The following CAPN13 variants were observed in gnomAD, a reference collection of about 807,000 sequenced individuals.
CAPN13 encodes calpain 13.
Under a neutral mutation model 98.4 loss-of-function variants are expected in CAPN13, and 90 were observed. The ratio of observed to expected loss-of-function variants is 0.92; its 90% confidence interval spans 0.77 to 1.09. The LOEUF is 1.09. Ranked by LOEUF, CAPN13 falls within the 50% of genes least tolerant of loss-of-function variation. The pLI is 0.00. For synonymous variants in CAPN13, 330 were observed against 305.5 expected (o/e 1.08, Z -0.84); for missense variants, 887 against 841.3 (o/e 1.05, Z -0.67).
chr2:30,753,886 CTA>C (rs1435812936), intron 9 of CAPN13, among the ~76,000 whole-genome samples: 3 of 152,090 alleles, frequency 2.0e-5, no homozygotes, highest in African/African-American at 7.2e-5. Flanking sequence ...TCACCCAGAG[CTA>C]TAGAGTCTGC....
chr2:30,799,288 T>A (rs1675046657), intron 1 of CAPN13, among the ~76,000 whole-genome samples: 1 of 152,132 alleles, frequency 6.6e-6, no homozygotes, highest in Non-Finnish European at 1.5e-5. Flanking sequence ...TCAAAGAGCT[T>A]ATGTGAGATG....
At chr2:30,739,853 C>G (rs1671562290) in intron 15 of CAPN13, among the ~76,000 whole-genome samples, 1 of 152,168 alleles carries the variant, frequency 6.6e-6, no homozygotes, top group Admixed American at 6.5e-5. Context: ...TTGCCTCAAC[C>G]ACCACAATGC....
chr2:30,760,813 AG>A (rs1368286763), intron 7 of CAPN13, among the ~76,000 whole-genome samples: 1 of 152,188 alleles, frequency 6.6e-6, no homozygotes, highest in African/African-American at 2.4e-5. Context: ...CGCGAGGCCA[AG>A]GCCATGGCTA....
chr2:30,740,100 T>TCG (rs1671580010), intron 15 of CAPN13, among the ~76,000 whole-genome samples: 1 of 148,450 alleles, frequency 6.7e-6, no homozygotes, highest in African/African-American at 2.5e-5. Context: ...TTTTTTTTTT[T>TCG]TTTTTTTTTT....
At chr2:30,787,703 C>A (rs543338706) in intron 1 of CAPN13, among the ~76,000 whole-genome samples, 1 of 152,116 alleles carries the variant, frequency 6.6e-6, no homozygotes, top group African/African-American at 2.4e-5. Flanking sequence ...GCAGCAAGTG[C>A]GCAGAGGCCC....
chr2:30,779,984 C>CG (rs1673904935), intron 2 of CAPN13, among the ~76,000 whole-genome samples: 19 of 152,136 alleles, frequency 1.2e-4, no homozygotes, highest in Admixed American at 1.0e-3. Context: ...TTAAAAATTG[C>CG]ATTTTAGAAA....
intron 7 of CAPN13, 86 bp from the exon 8 acceptor site, chr2:30,758,223 A>G: frequency 1.0e-6 from 1 of 991,080 alleles, no homozygotes; most frequent in Non-Finnish European, 1.5e-6. Flanking sequence ...TTTTACCTCC[A>G]AGGACCAATT....
chr2:30,803,115 G>A (rs1266107241), intron 1 of CAPN13, among the ~76,000 whole-genome samples: 1 of 152,218 alleles, frequency 6.6e-6, no homozygotes, highest in African/African-American at 2.4e-5. Flanking sequence ...GTTTTCTGAG[G>A]TGGGGCTTAA....
At chr2:30,731,119 C>T (rs1344002871) in intron 21 of CAPN13, among the ~76,000 whole-genome samples, 1 of 152,202 alleles carries the variant, frequency 6.6e-6, no homozygotes, top group Non-Finnish European at 1.5e-5. Context: ...CCACATAATC[C>T]TCTGCTTTAT....
At chr2:30,803,482 C>T (rs1675418459) in intron 1 of CAPN13, among the ~76,000 whole-genome samples, 1 of 152,286 alleles carries the variant, frequency 6.6e-6, no homozygotes, top group African/African-American at 2.4e-5. Flanking sequence ...CAGAGTGCTG[C>T]CAGAGGGACC....
intron 11 of CAPN13, among the ~76,000 whole-genome samples, chr2:30,747,267 G>T (rs1247644000): frequency 2.6e-5 from 4 of 151,508 alleles, no homozygotes; most frequent in Non-Finnish European, 5.9e-5. Flanking sequence ...TATTTTATGG[G>T]TGTAGAAACT....
intron 1 of CAPN13, among the ~76,000 whole-genome samples, chr2:30,800,116 A>AAAAGAAAGAAAAGAAAG (rs1675126547): frequency 9.3e-5 from 8 of 85,658 alleles, no homozygotes; most frequent in East Asian, 7.8e-4. Flanking sequence ...GAAAAGAAAG[A>AAAAGAAAGAAAAGAAAG]AAAGAAAGAA....
At chr2:30,741,370 A>G in intron 15 of CAPN13, 2 of 986,110 alleles carry the variant, frequency 2.0e-6, no homozygotes, top group Non-Finnish European at 2.4e-6. Flanking sequence ...CACTAACACA[A>G]TTATTAACGG....
chr2:30,787,544 A>G (rs961084305), intron 1 of CAPN13, among the ~76,000 whole-genome samples, 187 bp from the exon 2 acceptor site: 1 of 152,190 alleles, frequency 6.6e-6, no homozygotes, highest in African/African-American at 2.4e-5. Flanking sequence ...CCCAGTTAAC[A>G]TTTCAAGCTG....
At chr2:30,790,339 A>C (rs1304384921) in intron 1 of CAPN13, among the ~76,000 whole-genome samples, 1 of 152,204 alleles carries the variant, frequency 6.6e-6, no homozygotes, top group Non-Finnish European at 1.5e-5. Context: ...TAAGGGAAAA[A>C]AAAGATTGCT....
Position 30,799,869 on chromosome 2 carries a change from C to G in CAPN13, c.-33+7433G>C, listed in dbSNP as rs188328197. On this transcript the variant is annotated intron_variant, in intron 1 of 22. Coordinates refer to ENST00000295055, the MANE Select transcript of CAPN13 (RefSeq NM_144575.3). ...TGGGCGGATCACGAGGTCAGGAGAT[C>G]GAGACCATCCTAGCTAACACGGTGA... Among the ~76,000 whole-genome samples the G allele has an allele frequency of 2.6e-5, 4 of 151,984 alleles. No homozygotes were observed. In the East Asian group the frequency reaches 7.7e-4, roughly 29 times the overall value.
chr2:30,798,218 G>A (rs1482345420), intron 1 of CAPN13, among the ~76,000 whole-genome samples: 1 of 152,226 alleles, frequency 6.6e-6, no homozygotes. Context: ...GCATTTAAAT[G>A]TAAATATTCA....
chr2:30,758,207 G>T, intron 7 of CAPN13, 70 bp from the exon 8 acceptor site: 1 of 1,188,318 alleles, frequency 8.4e-7, no homozygotes, highest in Non-Finnish European at 1.2e-6. Context: ...GATGAATGCA[G>T]CTGCTTTTTA....
intron 15 of CAPN13, among the ~76,000 whole-genome samples, chr2:30,741,058 T>G (rs2147966561): frequency 6.6e-6 from 1 of 152,288 alleles, no homozygotes; most frequent in South Asian, 2.1e-4. Flanking sequence ...TTGGCCGGCC[T>G]TGTCATGCAG....
Sources: gnomAD v4.1 joint callset for allele counts (sites outside exome capture counted in the v4.1 genomes callset) on GRCh38, gnomAD v4.1.1 for gene constraint, MANE v1.5 for transcripts, NCBI Gene and HGNC (gene_info 2026-07-23, HGNC 2026-07-21) for gene names.